The following C9orf72 variants were observed in gnomAD, a reference collection of about 807,000 sequenced individuals.
C9orf72 encodes guanine nucleotide exchange factor C9orf72.
C9orf72 carries 44 observed loss-of-function variants against 51.6 expected under a neutral mutation model. That is an observed-to-expected ratio of 0.85 (90% confidence interval 0.67 to 1.10). The LOEUF (loss-of-function observed/expected upper bound fraction) is 1.10. Among genes scored for constraint, C9orf72 ranks in the 50% least tolerant of loss-of-function variants. The probability of loss-of-function intolerance (pLI) is 0.00; values close to 1 mark genes in which losing one functional copy is unlikely to be tolerated. For synonymous variants in C9orf72, 213 were observed against 194.2 expected, an observed-to-expected ratio of 1.10 and a Z score of -0.81; for missense variants, 607 against 570.6, an observed-to-expected ratio of 1.06 and a Z score of -0.65.
At chr9:27,566,587 A>C in intron 2 of C9orf72, 90 bp downstream of exon 2, 1 of 867,802 alleles carries the variant, frequency 1.2e-6, no homozygotes, top group African/African-American at 1.7e-5. Flanking sequence ...TGTTCACTGC[A>C]TATAATTAAA....
rs563286254 is a variant in C9orf72, at chr9:27,554,567, C to T, written c.1091+1994G>A. Reference sequence around the variant, plus strand: ...CCTGGGTAATGAAATCACCTGTACACCAAACCCTCATGACACGCAATTTAC... The same window carrying T: ...CCTGGGTAATGAAATCACCTGTACATCAAACCCTCATGACACGCAATTTAC... On this transcript the variant is annotated intron_variant, in intron 8 of 10. Coordinates refer to ENST00000380003, the MANE Select transcript of C9orf72 (RefSeq NM_018325.5). 3.5e-5 allele frequency: 14 copies of T among 398,268 alleles called. No individual in the cohort carries two copies. In the South Asian group the frequency reaches 1.3e-3, roughly 36 times the overall value. The allele number at this position is 398,268 out of a possible 1,614,324, so 24.7% of individuals were successfully genotyped here.
At chr9:27,556,089 T>C (rs558712780) in intron 8 of C9orf72, among the ~76,000 whole-genome samples, 2 of 151,946 alleles carry the variant, frequency 1.3e-5, no homozygotes, top group African/African-American at 2.4e-5. Context: ...CAATATAAAA[T>C]GCAAAGTAAA....
intron 4 of C9orf72, among the ~76,000 whole-genome samples, chr9:27,561,951 G>T (rs1328036552): frequency 6.6e-6 from 1 of 152,100 alleles, no homozygotes; most frequent in Non-Finnish European, 1.5e-5. Context: ...GTTTCCTAAA[G>T]GTATCTCTTA....
At chr9:27,572,106 G>A (rs1819599140) in intron 1 of C9orf72, among the ~76,000 whole-genome samples, 1 of 152,236 alleles carries the variant, frequency 6.6e-6, no homozygotes, top group Non-Finnish European at 1.5e-5. Flanking sequence ...AAAGCAAATT[G>A]TGGAGTGCCA....
intron 9 of C9orf72, among the ~76,000 whole-genome samples, chr9:27,549,195 T>G (rs1295851084): frequency 6.6e-6 from 1 of 152,198 alleles, no homozygotes; most frequent in Non-Finnish European, 1.5e-5. Context: ...GCATTCAAAT[T>G]TTGCATTCTA....
chr9:27,555,670 C>T (rs1820994125), intron 8 of C9orf72, among the ~76,000 whole-genome samples: 1 of 151,704 alleles, frequency 6.6e-6, no homozygotes, highest in South Asian at 2.1e-4. Context: ...AAAAGATCCT[C>T]CTGCCTCAGC....
Position 27,551,297 on chromosome 9 carries a change from T to G in C9orf72, c.1092-590A>C, listed in dbSNP as rs78922993. 2.4e-3 allele frequency among the ~76,000 whole-genome samples: 367 copies of G among 152,178 alleles called. 8 individuals carry two copies. In the East Asian group the frequency reaches 0.066, roughly 27 times the overall value. ...CTACCTTGGCAACGACCAGAGTGAG[T>G]AGTAGTAATATAATGGCCACTTAAA... is the stretch of plus-strand genomic sequence containing the variant. On this transcript the variant is annotated intron_variant, in intron 8 of 10. Transcript: ENST00000380003.
At chr9:27,562,785 T>A (rs1277985273) in intron 3 of C9orf72, among the ~76,000 whole-genome samples, 1 of 151,884 alleles carries the variant, frequency 6.6e-6, no homozygotes, top group Admixed American at 6.6e-5. Flanking sequence ...GACTCTCCTG[T>A]CTCATCCTCC....
intron 8 of C9orf72, among the ~76,000 whole-genome samples, chr9:27,555,766 T>C (rs1196275475): frequency 6.6e-6 from 1 of 152,092 alleles, no homozygotes; most frequent in Non-Finnish European, 1.5e-5. Context: ...TTTCACTATG[T>C]TGCCCAGGCT....
intron 9 of C9orf72, 96 bp downstream of exon 9, chr9:27,550,553 AG>A: frequency 1.4e-6 from 1 of 723,594 alleles, no homozygotes; most frequent in South Asian, 2.0e-5. Flanking sequence ...GGCATGATCC[AG>A]GGGAATATAA....
intron 9 of C9orf72, among the ~76,000 whole-genome samples, chr9:27,550,446 G>A (rs1386985354): frequency 6.6e-6 from 1 of 152,054 alleles, no homozygotes; most frequent in Non-Finnish European, 1.5e-5. Context: ...TAGGACAAGA[G>A]GCAACCAATG....
chr9:27,561,763 T>A, intron 4 of C9orf72, 114 bp from the exon 5 acceptor site: 1 of 614,202 alleles, frequency 1.6e-6, no homozygotes, highest in Non-Finnish European at 2.8e-6. Flanking sequence ...ACTGCCTTCA[T>A]TTCCGAGAAT....
Position 27,548,276 on chromosome 9 carries a change from T to G in C9orf72, c.1406A>C (p.Tyr469Ser). 1 of 1,612,328 alleles carries G rather than the reference T, an allele frequency of 6.2e-7. No individual in the cohort carries two copies. Among genetic ancestry groups the G allele is most frequent in the African/African-American group, 1.3e-5 (1 of 74,872 alleles). ...LHSFIFGRPFYTSVQERDVLM... is the reference protein window; with the variant it reads ...LHSFIFGRPFSTSVQERDVLM... ...AACATCTCGTTCTTGCACACTAGTG[T>G]AGAAAGGTCTTCCAAAGATAAAAGA... The change falls in exon 11 of 11, where the codon TAC (tyrosine) becomes TCC (serine). Residue 469 changes from tyrosine (Y) to serine (S), a missense_variant. Tyr to Ser is a moderately radical substitution (Grantham distance 144). Transcript: ENST00000380003.
chr9:27,553,191 T>C (rs2814705), intron 8 of C9orf72, among the ~76,000 whole-genome samples: 140,440 of 152,214 alleles, frequency 0.92, 65,820 homozygotes, highest in East Asian at 1. Context: ...CTACCAATGA[T>C]ATCCTTCACA....
At chr9:27,554,072 G>T (rs776301687) in intron 8 of C9orf72, among the ~76,000 whole-genome samples, 10 of 152,174 alleles carry the variant, frequency 6.6e-5, no homozygotes, top group African/African-American at 2.4e-4. Flanking sequence ...TGGCGGGACT[G>T]TAAATTAGTT....
chr9:27,562,638 T>G (rs1370087364), intron 3 of C9orf72, among the ~76,000 whole-genome samples, 162 bp from the exon 4 acceptor site: 2 of 152,008 alleles, frequency 1.3e-5, no homozygotes, highest in African/African-American at 4.8e-5. Flanking sequence ...TCTAAAGGAT[T>G]TATATGCAAT....
intron 8 of C9orf72, among the ~76,000 whole-genome samples, chr9:27,556,245 C>G (rs1185153962): frequency 6.6e-6 from 1 of 151,962 alleles, no homozygotes; most frequent in African/African-American, 2.4e-5. Context: ...AATGTAGGGG[C>G]TGGGGCTGGG....
chr9:27,556,481 A>T (rs1039405269), intron 8 of C9orf72, 80 bp downstream of exon 8: 39 of 887,682 alleles, frequency 4.4e-5, no homozygotes, highest in Non-Finnish European at 6.9e-5. Flanking sequence ...TTTAAATGCA[A>T]CTTCTGTTTT....
intron 1 of C9orf72, among the ~76,000 whole-genome samples, chr9:27,570,303 G>A (rs979130640): frequency 6.6e-6 from 1 of 152,020 alleles, no homozygotes; most frequent in African/African-American, 2.4e-5. Context: ...GCAAACTGGA[G>A]GCCAACATAA....
Sources: allele counts gnomAD v4.1 joint callset (sites outside exome capture counted in the v4.1 genomes callset), GRCh38; gene constraint gnomAD v4.1.1; transcripts MANE v1.5; gene names NCBI Gene and HGNC (gene_info 2026-07-23, HGNC 2026-07-21).